ITPR1: variants seen among roughly 807,000 people sequenced by gnomAD.
The protein encoded by ITPR1 is inositol 1,4,5-trisphosphate receptor type 1, also known as inositol 1,4,5-trisphosphate-gated calcium channel ITPR1.
Under a neutral mutation model 318.4 loss-of-function variants are expected in ITPR1, and 96 were observed. The ratio of observed to expected loss-of-function variants is 0.30; its 90% confidence interval spans 0.26 to 0.36. ITPR1 has a LOEUF of 0.36. ITPR1 is among the 10% of genes least tolerant of loss of function. ITPR1 has a pLI of 1.00. For missense variants in ITPR1, 2,440 were observed against 3,460.2 expected (o/e 0.71, Z 7.40); for synonymous variants, 1,312 against 1,289.9 (o/e 1.02, Z -0.37).
Position 4,648,702 on chromosome 3 carries a change from CG to C in ITPR1, c.855+2977del, listed in dbSNP as rs1261904948. ...GCACATGTCTATAATCCCAGCTACT[CG>C]GGAGGCTGAGGCACGAGAATCACTT... On this transcript the variant is annotated intron_variant, in intron 10 of 61. Coordinates refer to ENST00000649015, the MANE Select transcript of ITPR1 (RefSeq NM_001378452.1). Among the ~76,000 whole-genome samples the C allele has an allele frequency of 3.3e-5, 5 of 152,076 alleles. No individual in the cohort carries two copies. In the East Asian group the frequency reaches 9.7e-4, roughly 29 times the overall value.
intron 44 of ITPR1, among the ~76,000 whole-genome samples, chr3:4,736,822 G>T (rs1050834169): frequency 6.6e-6 from 1 of 152,204 alleles, no homozygotes; most frequent in Admixed American, 6.5e-5. Context: ...TGTGATTAGA[G>T]CAGTTGAACT....
intron 2 of ITPR1, among the ~76,000 whole-genome samples, chr3:4,509,981 C>T (rs1415656013): frequency 2.6e-5 from 4 of 152,182 alleles, no homozygotes; most frequent in Non-Finnish European, 4.4e-5. Context: ...GACAAACAAA[C>T]AAGTGAATAA....
intron 17 of ITPR1, among the ~76,000 whole-genome samples, chr3:4,667,122 A>G (rs1051112378): frequency 6.6e-6 from 1 of 152,226 alleles, no homozygotes; most frequent in Admixed American, 6.5e-5. Context: ...TGTGCACTTA[A>G]TAAAATATCC....
chr3:4,525,611 A>G (rs756287843), intron 4 of ITPR1, among the ~76,000 whole-genome samples: 3 of 152,224 alleles, frequency 2.0e-5, no homozygotes, highest in Non-Finnish European at 2.9e-5. Context: ...AGGAGAGCTG[A>G]GACTTAGAAT....
intron 4 of ITPR1, among the ~76,000 whole-genome samples, chr3:4,564,117 T>C (rs1292154289): frequency 6.6e-6 from 1 of 152,086 alleles, no homozygotes; most frequent in Non-Finnish European, 1.5e-5. Context: ...AATTTTTGAA[T>C]TTTTGTAGAG....
intron 4 of ITPR1, among the ~76,000 whole-genome samples, chr3:4,573,468 C>G (rs1385119639): frequency 1.3e-5 from 2 of 152,228 alleles, no homozygotes; most frequent in Non-Finnish European, 2.9e-5. Context: ...CTCCATAGAA[C>G]AACCAGAGTA....
chr3:4,697,608 T>C (rs1173027103), intron 34 of ITPR1, among the ~76,000 whole-genome samples: 3 of 151,840 alleles, frequency 2.0e-5, no homozygotes, highest in Admixed American at 6.6e-5. Flanking sequence ...CCTGCCACCA[T>C]GCCTGGCTAA....
At chr3:4,498,726 G>A (rs1015564920) in intron 2 of ITPR1, among the ~76,000 whole-genome samples, 1 of 152,230 alleles carries the variant, frequency 6.6e-6, no homozygotes, top group Non-Finnish European at 1.5e-5. Context: ...GAAAAGGAAA[G>A]TTTGACAAAT....
At chr3:4,605,503 A>T (rs2091641708) in intron 4 of ITPR1, among the ~76,000 whole-genome samples, 1 of 152,210 alleles carries the variant, frequency 6.6e-6, no homozygotes, top group Non-Finnish European at 1.5e-5. Context: ...CTGGGGTCAT[A>T]TCAGAGAATT....
At position 4,685,078 on chromosome 3, in the gene ITPR1, C is replaced by T. The variant is rs1312090580; in HGVS notation, c.3574C>T (p.Arg1192Trp). 9.3e-6 allele frequency: 15 copies of T among 1,608,892 alleles called. No homozygotes were observed. Among genetic ancestry groups the T allele is most frequent in the East Asian group, 2.2e-5 (1 of 44,778 alleles). Residue 1192 changes from arginine (R) to tryptophan (W), a missense_variant, in exon 30 of 62, where the codon CGG becomes TGG. Coordinates refer to ENST00000649015, the MANE Select transcript of ITPR1 (RefSeq NM_001378452.1). ...TCTTTCATTCTACTAGATTTTGATT[C>T]GGCTTAGCAAACTCTGTGTTCAAGA... ...NYRVVKEILI[R>W]LSKLCVQESA... is the part of the protein sequence containing the mutation.
chr3:4,620,179 G>T (rs1326966482), intron 4 of ITPR1, among the ~76,000 whole-genome samples: 3 of 152,276 alleles, frequency 2.0e-5, no homozygotes, highest in South Asian at 4.1e-4. Flanking sequence ...CCTGGCTGGG[G>T]TGGAGCCTGT....
intron 4 of ITPR1, among the ~76,000 whole-genome samples, chr3:4,549,415 T>A (rs1379004829): frequency 6.6e-6 from 1 of 152,210 alleles, no homozygotes; most frequent in African/African-American, 2.4e-5. Flanking sequence ...ACAGCCTCAT[T>A]GTAAATGAAG....
chr3:4,775,448 T>A lies in ITPR1; in HGVS notation c.6180+6T>A. ...GACCTTGCCATGAGAACCAGGTAAT[T>A]AAATTTCTGTTTTGGGATGGGGAAA... On this transcript the variant is annotated splice_donor_region_variant and intron_variant, in intron 47 of 61. Transcript: ENST00000649015. 6.2e-7 allele frequency: 1 copy of A among 1,604,206 alleles called. No homozygotes were observed. The highest frequency in any genetic ancestry group is 8.5e-7 in the Non-Finnish European group (1 of 1,174,164).
intron 5 of ITPR1, among the ~76,000 whole-genome samples, chr3:4,631,264 A>G (rs2125134578): frequency 6.6e-6 from 1 of 152,150 alleles, no homozygotes; most frequent in Admixed American, 6.5e-5. Flanking sequence ...TGACTGCAGT[A>G]TGAGCTTGGT....
intron 26 of ITPR1, 24 bp from the exon 27 acceptor site, chr3:4,683,361 CT>C (rs1256317656): frequency 6.2e-7 from 1 of 1,613,940 alleles, no homozygotes; most frequent in Non-Finnish European, 8.5e-7. Flanking sequence ...TTCATTTGGC[CT>C]TTCCCCACCT....
chr3:4,671,308 G>A (rs1576022629), intron 20 of ITPR1, among the ~76,000 whole-genome samples: 4 of 152,338 alleles, frequency 2.6e-5, no homozygotes, highest in South Asian at 2.1e-4. Flanking sequence ...TCTGCAAAAT[G>A]AAGGTGATAG....
intron 39 of ITPR1, among the ~76,000 whole-genome samples, chr3:4,713,694 G>C (rs28640154): frequency 6.6e-6 from 1 of 152,248 alleles, no homozygotes; most frequent in South Asian, 2.1e-4. Context: ...CCTCAAAGGA[G>C]ATCACTTGGA....
At chr3:4,773,791 G>A (rs1353844411) in intron 46 of ITPR1, among the ~76,000 whole-genome samples, 1 of 152,128 alleles carries the variant, frequency 6.6e-6, no homozygotes, top group Non-Finnish European at 1.5e-5. Context: ...AGAAACAATC[G>A]AGCCCACACA....
chr3:4,825,493 C>T (rs2050014012), intron 60 of ITPR1, among the ~76,000 whole-genome samples: 1 of 152,162 alleles, frequency 6.6e-6, no homozygotes, highest in African/African-American at 2.4e-5. Context: ...TGACAAGCAC[C>T]TCCTGGGTAA....
Sources: allele counts gnomAD v4.1 joint callset (sites outside exome capture counted in the v4.1 genomes callset), GRCh38; gene constraint gnomAD v4.1.1; transcripts MANE v1.5; gene names NCBI Gene and HGNC (gene_info 2026-07-23, HGNC 2026-07-21).